PRR16: variants seen among roughly 807,000 people sequenced by gnomAD.
PRR16 encodes protein Largen.
In PRR16, 6 loss-of-function variants were observed where a neutral mutation model predicts 18.2. The observed-to-expected ratio is 0.33, with a 90% CI of 0.18 to 0.65. The LOEUF (loss-of-function observed/expected upper bound fraction) is 0.65. Among genes scored for constraint, PRR16 ranks in the 30% least tolerant of loss-of-function variants. The pLI is 0.74. For missense variants in PRR16, 412 were observed against 376.6 expected, an observed-to-expected ratio of 1.09 and a Z score of -0.78; for synonymous variants, 151 against 147.8, an observed-to-expected ratio of 1.02 and a Z score of -0.16.
intron 1 of PRR16, among the ~76,000 whole-genome samples, chr5:120,586,513 T>A (rs1561559739): frequency 6.6e-6 from 1 of 152,138 alleles, no homozygotes; most frequent in Non-Finnish European, 1.5e-5. Context: ...GTGCTTACTT[T>A]GTATTTCTCT....
chr5:120,643,218 G>A (rs559342578), intron 1 of PRR16, among the ~76,000 whole-genome samples: 12 of 151,444 alleles, frequency 7.9e-5, no homozygotes, highest in Admixed American at 7.2e-4. Flanking sequence ...CTCTATCACT[G>A]TCCTTTTCAA....
the PRR16 span, among the ~76,000 whole-genome samples, chr5:120,722,476 C>G: frequency 2.0e-5 from 3 of 151,884 alleles, no homozygotes; most frequent in Non-Finnish European, 2.9e-5. Context: ...ATAGTAAGGT[C>G]CAGGTTTTGT....
At chr5:120,649,187 G>A (rs1419090412) in intron 1 of PRR16, among the ~76,000 whole-genome samples, 1 of 151,948 alleles carries the variant, frequency 6.6e-6, no homozygotes, top group African/African-American at 2.4e-5. Flanking sequence ...ATTGTCTAAG[G>A]GAATATTTTA....
chr5:120,786,217 G>A, the PRR16 span, among the ~76,000 whole-genome samples: 1 of 151,290 alleles, frequency 6.6e-6, no homozygotes, highest in Admixed American at 6.6e-5. Context: ...AATGTGAATA[G>A]AGGGATAGCA....
At chr5:120,514,563 G>C (rs1750926980) in intron 1 of PRR16, among the ~76,000 whole-genome samples, 2 of 152,280 alleles carry the variant, frequency 1.3e-5, no homozygotes, top group East Asian at 3.9e-4. Context: ...TTGCTGCTTA[G>C]ATATTTCTTC....
At chr5:120,553,689 T>C (rs1208161034) in intron 1 of PRR16, among the ~76,000 whole-genome samples, 1 of 151,812 alleles carries the variant, frequency 6.6e-6, no homozygotes, top group Non-Finnish European at 1.5e-5. Context: ...ACAGACATAA[T>C]AACCGTCTTT....
the PRR16 span, among the ~76,000 whole-genome samples, chr5:120,779,111 A>G: frequency 6.6e-6 from 1 of 152,276 alleles, no homozygotes; most frequent in Admixed American, 6.5e-5. Flanking sequence ...CGTTAACATT[A>G]GATTCCGCAG....
chr5:120,602,584 A>T (rs1165357759), intron 1 of PRR16, among the ~76,000 whole-genome samples: 1 of 152,052 alleles, frequency 6.6e-6, no homozygotes, highest in Non-Finnish European at 1.5e-5. Flanking sequence ...GGCTCTGGCT[A>T]GGCCTTCCTG....
At chr5:120,707,228 C>T in the PRR16 span, among the ~76,000 whole-genome samples, 2 of 152,130 alleles carry the variant, frequency 1.3e-5, no homozygotes, top group African/African-American at 2.4e-5. Flanking sequence ...TACTAAGAGC[C>T]TGAGGCTTGG....
At chr5:120,630,207 A>G (rs190000840) in intron 1 of PRR16, among the ~76,000 whole-genome samples, 22 of 151,842 alleles carry the variant, frequency 1.4e-4, no homozygotes, top group Admixed American at 1.4e-3. Context: ...TAATTTTAAT[A>G]TATCTATATT....
chr5:120,655,701 G>A (rs1044438522), intron 1 of PRR16, among the ~76,000 whole-genome samples: 3 of 148,912 alleles, frequency 2.0e-5, no homozygotes, highest in Admixed American at 1.4e-4. Context: ...TCATGGTAAT[G>A]TGAATTTGGA....
At chr5:120,750,321 C>G in the PRR16 span, among the ~76,000 whole-genome samples, 1 of 152,006 alleles carries the variant, frequency 6.6e-6, no homozygotes, top group Non-Finnish European at 1.5e-5. Context: ...TCAACCAATA[C>G]TTTTACCCCG....
the PRR16 span, among the ~76,000 whole-genome samples, chr5:120,702,651 G>A: frequency 2.6e-5 from 4 of 152,150 alleles, no homozygotes; most frequent in Admixed American, 1.3e-4. Flanking sequence ...CGTGACCGGC[G>A]CCGGAGTTTT....
the PRR16 span, among the ~76,000 whole-genome samples, chr5:120,788,272 A>G: frequency 6.6e-6 from 1 of 152,038 alleles, no homozygotes; most frequent in Admixed American, 6.6e-5. Context: ...GTAGGTGATG[A>G]ATCAATATTT....
intron 1 of PRR16, among the ~76,000 whole-genome samples, chr5:120,641,710 T>C (rs1352168760): frequency 6.6e-6 from 1 of 152,090 alleles, no homozygotes; most frequent in African/African-American, 2.4e-5. Context: ...TAAAAGAAAA[T>C]GCAACTGTTC....
At chr5:120,699,853 C>T in the PRR16 span, among the ~76,000 whole-genome samples, 2 of 152,178 alleles carry the variant, frequency 1.3e-5, no homozygotes, top group African/African-American at 4.8e-5. Flanking sequence ...ACAAGATTGG[C>T]AGGGAGAGCA....
In PRR16 at chr5:120,576,341, A is replaced by C. The variant is rs148118174; in HGVS notation, c.160-109613A>C. On this transcript the variant is annotated intron_variant, in intron 1 of 1. Transcript: ENST00000407149. ...ACAATAACAGAAACAACATGAATGA[A>C]AACTGGACAGCAGTTCCTGAGTAGA... is the stretch of plus-strand genomic sequence containing the variant. Among the ~76,000 whole-genome samples, 21 of 152,314 alleles carry C rather than the reference A, an allele frequency of 1.4e-4. No individual in the cohort carries two copies. The East Asian group carries it at 3.9e-3, about 28-fold the overall frequency.
At chr5:120,678,371 G>C (rs1211943582) in intron 1 of PRR16, among the ~76,000 whole-genome samples, 1 of 152,184 alleles carries the variant, frequency 6.6e-6, no homozygotes, top group African/African-American at 2.4e-5. Flanking sequence ...ACCATGGAAA[G>C]CTGGGGTAGG....
At chr5:120,504,808 G>C (rs1419932469) in intron 1 of PRR16, among the ~76,000 whole-genome samples, 1 of 152,094 alleles carries the variant, frequency 6.6e-6, no homozygotes, top group Non-Finnish European at 1.5e-5. Context: ...GGTATATTGA[G>C]TGCCAAAGAG....
Sources: gnomAD v4.1 joint callset for allele counts (sites outside exome capture counted in the v4.1 genomes callset) on GRCh38, gnomAD v4.1.1 for gene constraint, MANE v1.5 for transcripts, NCBI Gene and HGNC (gene_info 2026-07-23, HGNC 2026-07-21) for gene names.